Variants in COL28A1 observed in about 807,000 individuals in gnomAD.
The protein encoded by COL28A1 is collagen alpha-1(XXVIII) chain.
COL28A1 carries 161 observed loss-of-function variants against 150.2 expected under a neutral mutation model. The observed-to-expected ratio is 1.07, with a 90% CI of 0.94 to 1.22. The LOEUF (loss-of-function observed/expected upper bound fraction) is 1.22, where lower values mean the gene tolerates loss of function less well. Ranked by LOEUF, COL28A1 falls within the 50% of genes most tolerant of loss-of-function variation. COL28A1 has a pLI of 0.00. For synonymous variants in COL28A1, 552 were observed against 469.7 expected (o/e 1.18, Z -2.26); for missense variants, 1,617 against 1,388.3 (o/e 1.16, Z -2.62).
intron 33 of COL28A1, among the ~76,000 whole-genome samples, chr7:7,367,649 T>C (rs1781005371): frequency 1.3e-5 from 2 of 152,088 alleles, no homozygotes; most frequent in African/African-American, 2.4e-5. Context: ...AAGCTTCATA[T>C]GTCCTAGTCT....
chr7:7,503,505 A>G (rs985757048), intron 11 of COL28A1, among the ~76,000 whole-genome samples: 1 of 152,236 alleles, frequency 6.6e-6, no homozygotes. Flanking sequence ...AGCTTCTTTT[A>G]AAATTGTCTA....
chr7:7,495,111 A>G (rs745543899), intron 11 of COL28A1, among the ~76,000 whole-genome samples: 1 of 152,244 alleles, frequency 6.6e-6, no homozygotes, highest in Non-Finnish European at 1.5e-5. Context: ...TACTAGCCAC[A>G]TTAAGAAATA....
At chr7:7,361,754 C>G (rs9691990) in intron 33 of COL28A1, among the ~76,000 whole-genome samples, 1 of 151,678 alleles carries the variant, frequency 6.6e-6, no homozygotes, top group African/African-American at 2.4e-5. Flanking sequence ...TGCAGCACTA[C>G]TCACAATAGC....
At chr7:7,470,990 C>G (rs113354102) in intron 15 of COL28A1, among the ~76,000 whole-genome samples, 1 of 130,926 alleles carries the variant, frequency 7.6e-6, no homozygotes, top group Non-Finnish European at 1.6e-5. Context: ...AGGGATAGCA[C>G]TGGGAGATAT....
At chr7:7,346,151 T>C in the COL28A1 span, among the ~76,000 whole-genome samples, 2 of 152,090 alleles carry the variant, frequency 1.3e-5, no homozygotes, top group South Asian at 4.1e-4. Flanking sequence ...GTTCTACTAT[T>C]TGCTCTAATT....
intron 15 of COL28A1, among the ~76,000 whole-genome samples, chr7:7,472,342 A>T (rs35473859): frequency 2.0e-5 from 3 of 152,260 alleles, no homozygotes; most frequent in African/African-American, 4.8e-5. Flanking sequence ...CAAAATTAAT[A>T]TACACAAATC....
chr7:7,412,078 C>T (rs1783820683), intron 27 of COL28A1, among the ~76,000 whole-genome samples: 1 of 152,120 alleles, frequency 6.6e-6, no homozygotes, highest in South Asian at 2.1e-4. Flanking sequence ...GGGCACACAG[C>T]ATGACTACCT....
intron 21 of COL28A1, 96 bp from the exon 22 acceptor site, chr7:7,437,558 ATTATG>A (rs1229002042): frequency 1.4e-5 from 21 of 1,470,218 alleles, no homozygotes; most frequent in South Asian, 4.4e-5. Flanking sequence ...AGATTTTTAA[ATTATG>A]TTATGACCTC....
At position 7,456,036 on chromosome 7, in the gene COL28A1, T is replaced by G; in HGVS notation, c.1371+8A>C. The G allele has an allele frequency of 1.2e-6, 2 of 1,613,878 alleles. No homozygotes were observed. Among genetic ancestry groups the G allele is most frequent in the African/African-American group, 1.3e-5 (1 of 75,034 alleles). On this transcript the variant is annotated splice_region_variant and intron_variant, in intron 16 of 34. Coordinates refer to ENST00000399429, the MANE Select transcript of COL28A1 (RefSeq NM_001037763.3). ...GCACTGAAGGGAAAGGAAGAATGCA[T>G]TAATTACCTGTTCCCCTTGACTCCC...
At chr7:7,481,220 T>C (rs1047926276) in intron 13 of COL28A1, among the ~76,000 whole-genome samples, 1 of 152,214 alleles carries the variant, frequency 6.6e-6, no homozygotes, top group Non-Finnish European at 1.5e-5. Flanking sequence ...GTGAAAATAT[T>C]GGATCTTTAA....
the COL28A1 span, among the ~76,000 whole-genome samples, chr7:7,340,826 T>C: frequency 6.6e-6 from 1 of 152,110 alleles, no homozygotes; most frequent in Non-Finnish European, 1.5e-5. Flanking sequence ...AATGTACATT[T>C]GCACACCAAC....
At chr7:7,437,942 G>C (rs1486450323) in intron 21 of COL28A1, among the ~76,000 whole-genome samples, 1 of 151,928 alleles carries the variant, frequency 6.6e-6, no homozygotes, top group African/African-American at 2.4e-5. Flanking sequence ...TTAAGAAGTA[G>C]AACCCCTATG....
At chr7:7,355,078 T>A (rs1205012187), downstream of COL28A1, among the ~76,000 whole-genome samples, 1 of 152,258 alleles carries the variant, frequency 6.6e-6, no homozygotes, top group African/African-American at 2.4e-5. Context: ...TAAATTGGAC[T>A]GCATTAAAAT....
chr7:7,529,558 C>T (rs1782229051), intron 3 of COL28A1, among the ~76,000 whole-genome samples: 1 of 152,138 alleles, frequency 6.6e-6, no homozygotes, highest in East Asian at 1.9e-4. Context: ...TGCCCAGGAA[C>T]AGACAAACAA....
At chr7:7,424,849 T>G (rs944481294) in intron 25 of COL28A1, among the ~76,000 whole-genome samples, 1 of 152,172 alleles carries the variant, frequency 6.6e-6, no homozygotes, top group African/African-American at 2.4e-5. Flanking sequence ...GCAGTATTTG[T>G]GCATATGAAC....
chr7:7,527,633 T>C (rs1196594710), intron 3 of COL28A1, among the ~76,000 whole-genome samples: 1 of 152,072 alleles, frequency 6.6e-6, no homozygotes, highest in Non-Finnish European at 1.5e-5. Flanking sequence ...AATGACAGAC[T>C]GGGGGCATGC....
chr7:7,446,782 C>G (rs187194750), intron 18 of COL28A1, among the ~76,000 whole-genome samples: 65 of 152,250 alleles, frequency 4.3e-4, no homozygotes, highest in African/African-American at 1.3e-3. Context: ...ATTGAGAAAC[C>G]AGGGCAAGTT....
intron 11 of COL28A1, among the ~76,000 whole-genome samples, chr7:7,496,643 T>C (rs1439240409): frequency 6.6e-6 from 1 of 152,192 alleles, no homozygotes; most frequent in Non-Finnish European, 1.5e-5. Flanking sequence ...TGGCACTGAT[T>C]CTAACCAAAA....
intron 11 of COL28A1, among the ~76,000 whole-genome samples, chr7:7,497,779 A>G (rs188714147): frequency 1.6e-4 from 24 of 152,336 alleles, no homozygotes; most frequent in South Asian, 2.1e-4. Flanking sequence ...TTTCAGGTAC[A>G]TAAAGTCTAC....
Sources: allele counts gnomAD v4.1 joint callset (sites outside exome capture counted in the v4.1 genomes callset), GRCh38; gene constraint gnomAD v4.1.1; transcripts MANE v1.5; gene names NCBI Gene and HGNC (gene_info 2026-07-23, HGNC 2026-07-21).